UIMC1: variants seen among roughly 807,000 people sequenced by gnomAD.
UIMC1 encodes the protein BRCA1-A complex subunit RAP80.
UIMC1 carries 42 observed loss-of-function variants against 84.9 expected under a neutral mutation model. The observed-to-expected ratio is 0.49, with a 90% CI of 0.39 to 0.64. The LOEUF is 0.64. UIMC1 is among the 30% of genes least tolerant of loss of function. UIMC1 has a pLI of 0.00. For missense variants in UIMC1, 825 were observed against 847.6 expected (o/e 0.97, Z 0.33); for synonymous variants, 281 against 293.0 (o/e 0.96, Z 0.42).
At chr5:176,948,994 C>CT (rs199518740) in intron 9 of UIMC1, among the ~76,000 whole-genome samples, 4 of 139,360 alleles carry the variant, frequency 2.9e-5, no homozygotes, top group Admixed American at 2.1e-4. Context: ...TTAATGGAAA[C>CT]TTTTTTTTAA....
intron 10 of UIMC1, among the ~76,000 whole-genome samples, chr5:176,929,019 C>A (rs1397184597): frequency 6.6e-6 from 1 of 150,974 alleles, no homozygotes; most frequent in Non-Finnish European, 1.5e-5. Context: ...TTTCGGAGGC[C>A]AAGGCGGGTA....
chr5:176,946,647 T>A (rs1174908609), intron 9 of UIMC1, among the ~76,000 whole-genome samples: 1 of 152,120 alleles, frequency 6.6e-6, no homozygotes. Flanking sequence ...CCAGCCTGGC[T>A]AATGTGGCAA....
At chr5:176,943,294 CA>C in intron 10 of UIMC1, 40 bp downstream of exon 10, 1 of 1,599,918 alleles carries the variant, frequency 6.3e-7, no homozygotes, top group African/African-American at 1.3e-5. Context: ...AAAACCACCA[CA>C]CAAAAAAGTA....
chr5:176,998,561 A>G (rs1189102294), intron 1 of UIMC1, among the ~76,000 whole-genome samples: 3 of 149,628 alleles, frequency 2.0e-5, no homozygotes, highest in Non-Finnish European at 4.4e-5. Context: ...TAAGGTCAGG[A>G]GTTCGAGACC....
intron 6 of UIMC1, among the ~76,000 whole-genome samples, chr5:176,968,190 G>A (rs952866148): frequency 2.0e-5 from 3 of 152,030 alleles, no homozygotes; most frequent in Non-Finnish European, 4.4e-5. Flanking sequence ...TAGCCAACAG[G>A]GTAAAACCCC....
chr5:177,021,042 GC>G (rs1382364025), intron 1 of UIMC1, among the ~76,000 whole-genome samples: 4 of 152,180 alleles, frequency 2.6e-5, no homozygotes, highest in Non-Finnish European at 5.9e-5. Context: ...CATTTTGGGA[GC>G]CCGAGGCAGG....
intron 1 of UIMC1, among the ~76,000 whole-genome samples, chr5:176,994,087 C>T (rs1773259216): frequency 6.6e-6 from 1 of 151,084 alleles, no homozygotes; most frequent in Non-Finnish European, 1.5e-5. Context: ...TTGGGTAATG[C>T]AGCATAAACA....
intron 1 of UIMC1, among the ~76,000 whole-genome samples, chr5:177,005,572 CG>C (rs1252933486): frequency 1.3e-5 from 2 of 151,448 alleles, no homozygotes; most frequent in African/African-American, 4.9e-5. Context: ...AACTCTGCGT[CG>C]TAGGTATTCA....
chr5:176,912,276 C>T (rs1415282477), intron 10 of UIMC1, among the ~76,000 whole-genome samples: 2 of 152,158 alleles, frequency 1.3e-5, no homozygotes, highest in African/African-American at 4.8e-5. Context: ...GCACTGTTAG[C>T]AGGAAAGCAG....
chr5:176,920,910 A>G lies in UIMC1; in HGVS notation c.1598-9521T>C, dbSNP rs543982939. The stretch of plus-strand genomic sequence containing the variant: ...ACCATTAAGTATGATATTAGCTGTG[A>G]GTTTTTCATAGACGCCCTCTATCAG... On this transcript the variant is annotated intron_variant, in intron 10 of 14. Transcript: ENST00000511320. Among the ~76,000 whole-genome samples the G allele has an allele frequency of 2.0e-5, 3 of 152,268 alleles. No individual in the cohort carries two copies. In the South Asian group the frequency reaches 6.2e-4, roughly 32 times the overall value.
intron 12 of UIMC1, among the ~76,000 whole-genome samples, chr5:176,908,311 TA>T (rs1265682337): frequency 3.9e-5 from 6 of 152,254 alleles, no homozygotes; most frequent in Non-Finnish European, 8.8e-5. Context: ...TGATTATTTA[TA>T]TTTTTTTGAA....
At chr5:176,999,413 A>G (rs1485793897) in intron 1 of UIMC1, among the ~76,000 whole-genome samples, 3 of 152,134 alleles carry the variant, frequency 2.0e-5, no homozygotes, top group Non-Finnish European at 4.4e-5. Context: ...TGTTACAAAC[A>G]ATACAATTAT....
At chr5:176,964,193 C>T (rs765730059) in intron 6 of UIMC1, among the ~76,000 whole-genome samples, 1 of 152,166 alleles carries the variant, frequency 6.6e-6, no homozygotes, top group Non-Finnish European at 1.5e-5. Flanking sequence ...GTTTAACAAA[C>T]GAATTCTTTC....
chr5:177,022,509 C>A (rs1775913635), exon 1 of UIMC1: 1 of 504,372 alleles, frequency 2.0e-6, no homozygotes, highest in South Asian at 2.9e-5. Flanking sequence ...CGAGCCTCTC[C>A]GGGAGGGGGG....
chr5:176,909,492 A>T (rs1759833120), intron 11 of UIMC1, among the ~76,000 whole-genome samples: 1 of 152,208 alleles, frequency 6.6e-6, no homozygotes, highest in African/African-American at 2.4e-5. Flanking sequence ...TCTTATAGGT[A>T]ATAATTGTCA....
intron 4 of UIMC1, 69 bp downstream of exon 4, chr5:176,970,673 T>C (rs776663606): frequency 1.2e-6 from 2 of 1,611,170 alleles, no homozygotes; most frequent in East Asian, 4.5e-5. Context: ...CTAATGCAAC[T>C]ACAACACCAC....
rs896394849 is a variant in UIMC1 at position 176,947,958 on chromosome 5, G to A, written c.1443+3516C>T. 2.0e-5 allele frequency among the ~76,000 whole-genome samples: 3 copies of A among 150,252 alleles called. No individual in the cohort carries two copies. In the East Asian group the frequency reaches 5.8e-4, roughly 29 times the overall value. On this transcript the variant is annotated intron_variant, in intron 9 of 14. Transcript: ENST00000511320. ...CCTCACTTCAAGAGAAATGAACCCA[G>A]TGAAAACAAAAGCATGTCCTGCAAA...
intron 1 of UIMC1, among the ~76,000 whole-genome samples, chr5:176,996,053 A>G (rs1773567613): frequency 6.6e-6 from 1 of 152,148 alleles, no homozygotes; most frequent in African/African-American, 2.4e-5. Flanking sequence ...CATATCCATC[A>G]ACATGTGAAT....
chr5:177,015,176 G>A (rs1775644940), intron 1 of UIMC1, among the ~76,000 whole-genome samples: 1 of 152,162 alleles, frequency 6.6e-6, no homozygotes, highest in Non-Finnish European at 1.5e-5. Context: ...AGTTTACGGA[G>A]ATTATATTAG....
Sources: gnomAD v4.1 joint callset for allele counts (sites outside exome capture counted in the v4.1 genomes callset) on GRCh38, gnomAD v4.1.1 for gene constraint, MANE v1.5 for transcripts, NCBI Gene and HGNC (gene_info 2026-07-23, HGNC 2026-07-21) for gene names.